The following KCNU1 variants were observed in gnomAD, a reference collection of about 807,000 sequenced individuals.
KCNU1 encodes potassium calcium-activated channel subfamily U member 1.
KCNU1 carries 93 observed loss-of-function variants against 126.8 expected under a neutral mutation model. The observed-to-expected ratio is 0.73, with a 90% CI of 0.62 to 0.87. The LOEUF (loss-of-function observed/expected upper bound fraction) is 0.87. Among genes scored for constraint, KCNU1 ranks in the 40% least tolerant of loss-of-function variants. KCNU1 has a pLI of 0.00. For missense variants in KCNU1, 1,330 were observed against 1,367.1 expected, an observed-to-expected ratio of 0.97 and a Z score of 0.43; for synonymous variants, 523 against 494.2, an observed-to-expected ratio of 1.06 and a Z score of -0.77.
At chr8:36,798,987 G>A (rs2406943) in intron 2 of KCNU1, among the ~76,000 whole-genome samples, 1 of 152,100 alleles carries the variant, frequency 6.6e-6, no homozygotes, top group East Asian at 1.9e-4. Context: ...CAACTCCAAA[G>A]AGCACCTCTT....
rs758688689 is a variant in KCNU1, at chr8:36,807,487, G to C, written c.656+37G>C. ...TGACCGAAGTACTGCTTACTTATTAGTTTGGATTAGAAAATGAATGTATTA... is the reference window on the plus strand; with the variant it reads ...TGACCGAAGTACTGCTTACTTATTACTTTGGATTAGAAAATGAATGTATTA... On this transcript the variant is annotated intron_variant, in intron 6 of 26. Transcript: ENST00000399881. 5 of 1,433,938 alleles carry C rather than the reference G, an allele frequency of 3.5e-6. No individual in the cohort carries two copies. The East Asian group carries it at 9.1e-5, about 26-fold the overall frequency. 88.8% of individuals were successfully genotyped at this position (1,433,938 alleles called of 1,614,324 possible).
At chr8:36,851,282 A>G (rs1387330768) in intron 18 of KCNU1, among the ~76,000 whole-genome samples, 1 of 151,994 alleles carries the variant, frequency 6.6e-6, no homozygotes, top group Non-Finnish European at 1.5e-5. Context: ...ACCTGGTGAG[A>G]GGTGATTGAT....
rs138506419 is a variant in KCNU1 at position 36,840,392 on chromosome 8, T to A, written c.1519-71T>A. On this transcript the variant is annotated intron_variant, in intron 14 of 26. Coordinates refer to ENST00000399881, the MANE Select transcript of KCNU1 (RefSeq NM_001031836.3). ...GAAGACTTGTTTGTGCTTAGCAGAA[T>A]ATGCAATGTGAATTCTAACATTCTA... 3.3e-5 allele frequency: 24 copies of A among 733,584 alleles called. No homozygotes were observed. The East Asian group carries it at 5.0e-4, about 15-fold the overall frequency. The allele number at this position is 733,584 out of a possible 1,614,324, so 45.4% of individuals were successfully genotyped here.
At chr8:36,902,909 A>G (rs1807475262) in intron 19 of KCNU1, among the ~76,000 whole-genome samples, 2 of 152,174 alleles carry the variant, frequency 1.3e-5, no homozygotes, top group Admixed American at 1.3e-4. Context: ...AATTTGAATG[A>G]ACAGGGTAAC....
intron 18 of KCNU1, among the ~76,000 whole-genome samples, chr8:36,855,079 G>T (rs1805483559): frequency 6.6e-6 from 1 of 152,150 alleles, no homozygotes; most frequent in Non-Finnish European, 1.5e-5. Flanking sequence ...TTCATTTTCT[G>T]CTTGTATGAA....
At chr8:36,871,400 T>TATAC (rs1806096469) in intron 19 of KCNU1, among the ~76,000 whole-genome samples, 1 of 145,412 alleles carries the variant, frequency 6.9e-6, no homozygotes, top group African/African-American at 2.4e-5. Context: ...CATATATATA[T>TATAC]ATATATACAT....
At chr8:36,807,690 G>T (rs1158615006) in intron 6 of KCNU1, among the ~76,000 whole-genome samples, 3 of 148,014 alleles carry the variant, frequency 2.0e-5, no homozygotes, top group East Asian at 2.0e-4. Flanking sequence ...AAGCTATGGT[G>T]TATAAGTTTA....
intron 24 of KCNU1, among the ~76,000 whole-genome samples, chr8:36,930,641 C>A (rs750523449): frequency 2.6e-5 from 4 of 152,134 alleles, no homozygotes; most frequent in Middle Eastern, 3.4e-3. Context: ...ATGTATACCC[C>A]CTCTGGTCAT....
chr8:36,841,107 A>G, intron 16 of KCNU1, 104 bp downstream of exon 16: 1 of 775,222 alleles, frequency 1.3e-6, no homozygotes, highest in Admixed American at 2.8e-5. Context: ...AGCTATAACT[A>G]AGCTTTTTCC....
chr8:36,879,639 A>G (rs1490755808), intron 19 of KCNU1, among the ~76,000 whole-genome samples: 2 of 152,156 alleles, frequency 1.3e-5, no homozygotes, highest in Non-Finnish European at 2.9e-5. Context: ...CTTGAGCTGC[A>G]TTTAAAATGC....
At chr8:36,828,037 TATTTA>T (rs1219678219) in intron 10 of KCNU1, among the ~76,000 whole-genome samples, 1 of 152,164 alleles carries the variant, frequency 6.6e-6, no homozygotes, top group Non-Finnish European at 1.5e-5. Context: ...ATGTTTTTGA[TATTTA>T]AAAGTTTTTA....
chr8:36,848,956 G>T (rs1805246686), intron 18 of KCNU1, among the ~76,000 whole-genome samples: 1 of 151,974 alleles, frequency 6.6e-6, no homozygotes, highest in Non-Finnish European at 1.5e-5. Context: ...TCTTTATTCA[G>T]ATATATTCCA....
intron 19 of KCNU1, among the ~76,000 whole-genome samples, chr8:36,883,169 G>T (rs1806552042): frequency 6.6e-6 from 1 of 151,998 alleles, no homozygotes; most frequent in Admixed American, 6.6e-5. Flanking sequence ...CTTTCCTCTG[G>T]ACATTTAGCA....
At position 36,807,459 on chromosome 8, in the gene KCNU1, C is replaced by T. The variant is rs1181553099; in HGVS notation, c.656+9C>T. 6.3e-7 allele frequency: 1 copy of T among 1,597,642 alleles called. No homozygotes were observed. The highest frequency in any genetic ancestry group is 8.6e-7 in the Non-Finnish European group (1 of 1,165,322). On this transcript the variant is annotated intron_variant, in intron 6 of 26. Coordinates refer to ENST00000399881, the MANE Select transcript of KCNU1 (RefSeq NM_001031836.3). The stretch of plus-strand genomic sequence containing the variant: ...CGAGCCATCAAGACCAGGTAAATAG[C>T]CCTGACCGAAGTACTGCTTACTTAT...
At chr8:36,888,394 C>T in intron 19 of KCNU1, 1 of 365,722 alleles carries the variant, frequency 2.7e-6, no homozygotes, top group South Asian at 2.1e-5. Context: ...CCTCCCTCCC[C>T]CACAACACCA....
At chr8:36,819,636 G>A (rs1323192940) in intron 10 of KCNU1, among the ~76,000 whole-genome samples, 1 of 151,878 alleles carries the variant, frequency 6.6e-6, no homozygotes, top group Non-Finnish European at 1.5e-5. Context: ...CTCCCTTTAT[G>A]TGACCAATTT....
intron 22 of KCNU1, among the ~76,000 whole-genome samples, chr8:36,912,780 G>A (rs1240736437): frequency 6.6e-6 from 1 of 151,800 alleles, no homozygotes; most frequent in Admixed American, 6.6e-5. Flanking sequence ...GATCATTTTG[G>A]TCAACACGGT....
chr8:36,837,919 T>G (rs1358469085), intron 14 of KCNU1, among the ~76,000 whole-genome samples: 1 of 152,162 alleles, frequency 6.6e-6, no homozygotes, highest in Non-Finnish European at 1.5e-5. Flanking sequence ...TCTGTTCTCT[T>G]TTTTCTGTGT....
At chr8:36,921,722 C>T (rs1053121276) in intron 23 of KCNU1, among the ~76,000 whole-genome samples, 7 of 151,138 alleles carry the variant, frequency 4.6e-5, no homozygotes, top group Non-Finnish European at 8.8e-5. Flanking sequence ...TCTCTTCTCA[C>T]GGACCACAGT....
Sources: allele counts gnomAD v4.1 joint callset (sites outside exome capture counted in the v4.1 genomes callset), GRCh38; gene constraint gnomAD v4.1.1; transcripts MANE v1.5; gene names NCBI Gene and HGNC (gene_info 2026-07-23, HGNC 2026-07-21).